The following MRPL1 variants were observed in gnomAD, a reference collection of about 807,000 sequenced individuals.
MRPL1 encodes the protein mitochondrial ribosomal protein L1.
A neutral mutation model predicts 38.0 loss-of-function variants in MRPL1; 28 were observed. The ratio of observed to expected loss-of-function variants is 0.74; its 90% CI spans 0.55 to 1.01. MRPL1 has a LOEUF of 1.01. Among genes scored for constraint, MRPL1 ranks in the 50% least tolerant of loss-of-function variants. MRPL1 has a pLI of 0.00. For missense variants in MRPL1, 358 were observed against 389.8 expected, an observed-to-expected ratio of 0.92 and a Z score of 0.69; for synonymous variants, 123 against 126.7, an observed-to-expected ratio of 0.97 and a Z score of 0.20.
intron 6 of MRPL1, among the ~76,000 whole-genome samples, chr4:77,907,502 C>A (rs1463023550): frequency 6.4e-4 from 21 of 32,580 alleles, no homozygotes; most frequent in African/African-American, 1.6e-3. Context: ...CTCCCTCCGT[C>A]TCTCTCTCTC....
chr4:77,915,303 G>A (rs1018700033), intron 7 of MRPL1, among the ~76,000 whole-genome samples: 2 of 152,108 alleles, frequency 1.3e-5, no homozygotes, highest in East Asian at 3.9e-4. Flanking sequence ...TTAGTATCTT[G>A]GATATTAGAA....
At chr4:77,876,514 T>C (rs1278338927) in intron 2 of MRPL1, among the ~76,000 whole-genome samples, 1 of 152,232 alleles carries the variant, frequency 6.6e-6, no homozygotes, top group Non-Finnish European at 1.5e-5. Context: ...ACAAGAAATA[T>C]GCCTACTCTT....
At chr4:77,894,713 G>T (rs1244306050) in intron 6 of MRPL1, among the ~76,000 whole-genome samples, 1 of 152,040 alleles carries the variant, frequency 6.6e-6, no homozygotes, top group East Asian at 1.9e-4. Context: ...TAATAAGAAA[G>T]TTAAGGTCAC....
chr4:77,896,185 T>C (rs574960224), intron 6 of MRPL1, among the ~76,000 whole-genome samples: 1 of 151,664 alleles, frequency 6.6e-6, no homozygotes, highest in African/African-American at 2.4e-5. Flanking sequence ...GTTTTTTTTT[T>C]CTCATTGGCA....
Position 77,875,579 on chromosome 4 carries a change from G to C in MRPL1, c.143+3724G>C, listed in dbSNP as rs1040298580. ...AGGCACAAGCATTGCTTGAACCTGGGAGGTGGAGGTTGCAGTGAGCCAAGA... is the reference window on the plus strand; with the variant it reads ...AGGCACAAGCATTGCTTGAACCTGGCAGGTGGAGGTTGCAGTGAGCCAAGA... On this transcript the variant is annotated intron_variant, in intron 2 of 8. Coordinates refer to ENST00000315567, the MANE Select transcript of MRPL1 (RefSeq NM_020236.4). Among the ~76,000 whole-genome samples, 28 of 151,952 alleles carry C rather than the reference G, an allele frequency of 1.8e-4. 1 individual carries two copies. The highest frequency in any genetic ancestry group is 1.3e-4 in the Admixed American group (2 of 15,254).
intron 7 of MRPL1, among the ~76,000 whole-genome samples, chr4:77,935,376 G>C (rs1298585345): frequency 6.6e-6 from 1 of 152,102 alleles, no homozygotes; most frequent in Non-Finnish European, 1.5e-5. Context: ...TATGCCTCTA[G>C]ATCAACAGTG....
intron 7 of MRPL1, among the ~76,000 whole-genome samples, chr4:77,923,986 G>T (rs1736648634): frequency 1.6e-5 from 2 of 121,446 alleles, no homozygotes; most frequent in Admixed American, 1.7e-4. Context: ...GGGAGACAGG[G>T]TAGGACTCTG....
intron 2 of MRPL1, among the ~76,000 whole-genome samples, chr4:77,873,365 G>A (rs11737353): frequency 0.22 from 33,849 of 152,112 alleles, 4,713 homozygotes; most frequent in African/African-American, 0.39. Flanking sequence ...CTTTAGAACT[G>A]TCACACTCTT....
intron 8 of MRPL1, 70 bp from the exon 9 acceptor site, chr4:77,952,419 C>A: frequency 1.9e-6 from 2 of 1,032,576 alleles, no homozygotes; most frequent in South Asian, 2.7e-5. Flanking sequence ...TAAGTGAGGA[C>A]CTACTTTATT....
chr4:77,888,339 T>C (rs1735729050), intron 5 of MRPL1, among the ~76,000 whole-genome samples: 1 of 152,064 alleles, frequency 6.6e-6, no homozygotes, highest in South Asian at 2.1e-4. Flanking sequence ...TCCCCACCTC[T>C]ACTAAAAATA....
At chr4:77,909,942 T>C (rs1736246570) in intron 7 of MRPL1, among the ~76,000 whole-genome samples, 1 of 152,204 alleles carries the variant, frequency 6.6e-6, no homozygotes, top group African/African-American at 2.4e-5. Flanking sequence ...TTACAAACAT[T>C]AAAGTTATTT....
chr4:77,944,668 A>G (rs958592721), intron 7 of MRPL1, among the ~76,000 whole-genome samples: 3 of 152,202 alleles, frequency 2.0e-5, no homozygotes, highest in African/African-American at 7.2e-5. Flanking sequence ...ATTAACATCT[A>G]AAAATTAGGA....
At chr4:77,938,096 C>T (rs1737030988) in intron 7 of MRPL1, among the ~76,000 whole-genome samples, 2 of 152,170 alleles carry the variant, frequency 1.3e-5, no homozygotes, top group African/African-American at 4.8e-5. Flanking sequence ...GTCTTCTGTC[C>T]CAGGAGTCAG....
At chr4:77,910,482 CA>C (rs926354545) in intron 7 of MRPL1, among the ~76,000 whole-genome samples, 1 of 152,022 alleles carries the variant, frequency 6.6e-6, no homozygotes, top group African/African-American at 2.4e-5. Context: ...ATAAAAAATA[CA>C]AAAAAATTAG....
At chr4:77,869,502 T>C (rs573083774) in intron 1 of MRPL1, among the ~76,000 whole-genome samples, 6 of 152,174 alleles carry the variant, frequency 3.9e-5, no homozygotes, top group Non-Finnish European at 7.3e-5. Flanking sequence ...TGGTCTGTAG[T>C]GTTTGATTTC....
chr4:77,871,676 T>C (rs945102277), intron 1 of MRPL1, 68 bp from the exon 2 acceptor site: 17 of 747,208 alleles, frequency 2.3e-5, no homozygotes, highest in Middle Eastern at 3.3e-4. Flanking sequence ...GTACTGACTT[T>C]TAAAATTAAA....
rs751267506 is a variant in MRPL1 at position 77,880,598 on chromosome 4, G to A, written c.144-2644G>A. 1.2e-4 allele frequency among the ~76,000 whole-genome samples: 18 copies of A among 151,094 alleles called. 1 individual carries two copies. The highest frequency in any genetic ancestry group is 4.0e-4 in the Admixed American group (6 of 15,102). On this transcript the variant is annotated intron_variant, in intron 2 of 8. Transcript: ENST00000315567. ...TTATTATTCTGACTACCACAGAACCGGAACATCTTTCCAGAATACTATTAC... is the reference window on the plus strand; with the variant it reads ...TTATTATTCTGACTACCACAGAACCAGAACATCTTTCCAGAATACTATTAC...
chr4:77,905,716 C>T (rs1205291857), intron 6 of MRPL1, among the ~76,000 whole-genome samples: 2 of 152,014 alleles, frequency 1.3e-5, no homozygotes, highest in Non-Finnish European at 2.9e-5. Context: ...TTCCTTTTTT[C>T]TAACTATACA....
chr4:77,863,461 A>ATTTTTTT (rs969402527), intron 1 of MRPL1, among the ~76,000 whole-genome samples: 3,181 of 112,370 alleles, frequency 0.028, 338 homozygotes, highest in African/African-American at 0.092. Context: ...TTGTGCAACA[A>ATTTTTTT]TTTTTTTTTT....
Sources: gnomAD v4.1 joint callset for allele counts (sites outside exome capture counted in the v4.1 genomes callset) on GRCh38, gnomAD v4.1.1 for gene constraint, MANE v1.5 for transcripts, NCBI Gene and HGNC (gene_info 2026-07-23, HGNC 2026-07-21) for gene names.